The following PCDH15 variants were observed in gnomAD, a reference collection of about 807,000 sequenced individuals.
PCDH15 encodes the protein protocadherin-15.
PCDH15 carries 129 observed loss-of-function variants against 178.5 expected under a neutral mutation model. The observed-to-expected ratio is 0.72, with a 90% CI of 0.63 to 0.84. The LOEUF (loss-of-function observed/expected upper bound fraction) is 0.84. Ranked by LOEUF, PCDH15 falls within the 40% of genes least tolerant of loss-of-function variation. PCDH15 has a pLI of 0.00. For synonymous variants in PCDH15, 800 were observed against 732.0 expected (o/e 1.09, Z -1.50); for missense variants, 2,230 against 2,099.9 (o/e 1.06, Z -1.21).
intron 2 of PCDH15, among the ~76,000 whole-genome samples, chr10:54,609,590 A>G (rs1256370218): frequency 6.6e-6 from 1 of 152,024 alleles, no homozygotes; most frequent in Admixed American, 6.6e-5. Flanking sequence ...AGGCCATTAA[A>G]GACCATAAAA....
rs375802836 is a variant in PCDH15, at chr10:54,392,443, C to T, written c.158-13501G>A. On this transcript the variant is annotated intron_variant, in intron 3 of 37. Coordinates refer to ENST00000644397, the MANE Select transcript of PCDH15 (RefSeq NM_001384140.1). ...ATTGTGCCACTGCACTCCAGCCTGG[C>T]TTGGGTGACAGAGTGAGGCTGTCTC... Among the ~76,000 whole-genome samples the T allele has an allele frequency of 5.8e-5, 6 of 103,756 alleles. No homozygotes were observed. In the East Asian group the frequency reaches 2.0e-3, roughly 35 times the overall value. The allele number at this position is 103,756 out of a possible 152,430, so 68.1% of individuals were successfully genotyped here.
At chr10:54,438,607 C>A (rs2075593625) in intron 3 of PCDH15, among the ~76,000 whole-genome samples, 1 of 151,996 alleles carries the variant, frequency 6.6e-6, no homozygotes, top group African/African-American at 2.4e-5. Context: ...TTTTGAAAGC[C>A]AGAAGCAGGT....
chr10:53,999,143 C>T (rs2091999822), intron 20 of PCDH15, among the ~76,000 whole-genome samples: 1 of 151,584 alleles, frequency 6.6e-6, no homozygotes, highest in African/African-American at 2.4e-5. Context: ...GAGACACAGA[C>T]AGTATAAGCC....
chr10:55,028,810 C>T (rs896826092), intron 2 of PCDH15, among the ~76,000 whole-genome samples: 1 of 151,958 alleles, frequency 6.6e-6, no homozygotes, highest in Non-Finnish European at 1.5e-5. Context: ...AAAGATCGTA[C>T]ATGTTTATCT....
At chr10:55,104,348 C>A (rs553170289) in intron 2 of PCDH15, among the ~76,000 whole-genome samples, 7 of 152,124 alleles carry the variant, frequency 4.6e-5, no homozygotes, top group African/African-American at 1.7e-4. Flanking sequence ...CTTGACATTT[C>A]TTTAAGCCAA....
At position 54,734,968 on chromosome 10, in the gene PCDH15, A is replaced by G. The variant is rs57142656; in HGVS notation, c.-29+65957T>C. Among the ~76,000 whole-genome samples the G allele has an allele frequency of 4.1e-3, 631 of 152,164 alleles. 5 individuals are homozygous for G. Among genetic ancestry groups the G allele is most frequent in the African/African-American group, 0.015 (605 of 41,556 alleles). On this transcript the variant is annotated intron_variant, in intron 1 of 37. Coordinates refer to ENST00000644397, the MANE Select transcript of PCDH15 (RefSeq NM_001384140.1). ...GTGGTTACAAGACTACATGTTTGTC[A>G]AATATAATATTTCATACCCTAAAGT...
intron 2 of PCDH15, among the ~76,000 whole-genome samples, chr10:55,374,719 T>A (rs1012698478): frequency 1.3e-5 from 2 of 152,082 alleles, no homozygotes; most frequent in African/African-American, 2.4e-5. Flanking sequence ...GAAATGATTT[T>A]AATATTTACT....
At chr10:55,286,491 G>T (rs1260717449) in intron 1 of PCDH15, among the ~76,000 whole-genome samples, 1 of 149,670 alleles carries the variant, frequency 6.7e-6, no homozygotes, top group Non-Finnish European at 1.5e-5. Context: ...TGTAGCTGTA[G>T]TCTATGAGGG....
intron 2 of PCDH15, among the ~76,000 whole-genome samples, chr10:55,078,962 C>T (rs571066097): frequency 3.1e-4 from 47 of 152,244 alleles, no homozygotes; most frequent in Non-Finnish European, 4.7e-4. Flanking sequence ...TCTTCGCTTC[C>T]AGGATTTCTT....
intron 1 of PCDH15, among the ~76,000 whole-genome samples, chr10:54,771,155 A>G (rs1465771147): frequency 3.3e-5 from 5 of 152,048 alleles, no homozygotes; most frequent in East Asian, 1.9e-4. Context: ...TTTAACCTTC[A>G]TGGTCTATTT....
At chr10:55,086,838 A>T (rs1842182270) in intron 2 of PCDH15, among the ~76,000 whole-genome samples, 1 of 152,102 alleles carries the variant, frequency 6.6e-6, no homozygotes, top group Non-Finnish European at 1.5e-5. Flanking sequence ...ATTATTATTC[A>T]TCAGTATTAA....
At chr10:54,317,829 A>C (rs2061373723) in intron 7 of PCDH15, among the ~76,000 whole-genome samples, 1 of 152,162 alleles carries the variant, frequency 6.6e-6, no homozygotes. Flanking sequence ...TCATTGAAAA[A>C]AAAAAGATTG....
At chr10:54,915,321 T>C (rs910521682) in intron 2 of PCDH15, among the ~76,000 whole-genome samples, 1 of 152,134 alleles carries the variant, frequency 6.6e-6, no homozygotes, top group Non-Finnish European at 1.5e-5. Flanking sequence ...AGTCAAGATA[T>C]TAAGTAAGTG....
chr10:55,219,192 T>C (rs1316871012), intron 1 of PCDH15, among the ~76,000 whole-genome samples: 1 of 151,990 alleles, frequency 6.6e-6, no homozygotes, highest in African/African-American at 2.4e-5. Flanking sequence ...AGCTTCCTCA[T>C]GATCAGTAGA....
intron 9 of PCDH15, among the ~76,000 whole-genome samples, chr10:54,233,346 T>C (rs2054278389): frequency 6.6e-6 from 1 of 150,686 alleles, no homozygotes; most frequent in Admixed American, 6.6e-5. Context: ...CAAAGTATTG[T>C]TATTTTTATT....
At chr10:54,391,018 TCAA>T (rs1364230334) in intron 3 of PCDH15, among the ~76,000 whole-genome samples, 1 of 152,144 alleles carries the variant, frequency 6.6e-6, no homozygotes, top group Non-Finnish European at 1.5e-5. Context: ...ATGGGCTCCT[TCAA>T]AGCTGCCCTG....
chr10:55,069,073 T>C (rs1413902846), intron 2 of PCDH15, among the ~76,000 whole-genome samples: 1 of 151,268 alleles, frequency 6.6e-6, no homozygotes, highest in African/African-American at 2.4e-5. Context: ...ATTTTTTTTT[T>C]TTTTTGTATT....
At chr10:54,376,035 C>T (rs2134935113) in intron 4 of PCDH15, among the ~76,000 whole-genome samples, 1 of 151,542 alleles carries the variant, frequency 6.6e-6, no homozygotes, top group South Asian at 2.1e-4. Flanking sequence ...GCTGGGATTA[C>T]AGGGTACCTG....
chr10:54,679,082 T>C (rs971852502), intron 1 of PCDH15, among the ~76,000 whole-genome samples: 16 of 146,986 alleles, frequency 1.1e-4, no homozygotes, highest in Admixed American at 1.1e-3. Context: ...CCCAGCTACT[T>C]GGGAGGCTGA....
Sources: allele counts gnomAD v4.1 joint callset (sites outside exome capture counted in the v4.1 genomes callset), GRCh38; gene constraint gnomAD v4.1.1; transcripts MANE v1.5; gene names NCBI Gene and HGNC (gene_info 2026-07-23, HGNC 2026-07-21).